The following PCDH15 variants were observed in gnomAD, a reference collection of about 807,000 sequenced individuals.
PCDH15 encodes protocadherin-15.
Under a neutral mutation model 178.5 loss-of-function variants are expected in PCDH15, and 129 were observed. The ratio of observed to expected loss-of-function variants is 0.72; its 90% confidence interval spans 0.63 to 0.84. PCDH15 has a LOEUF of 0.84. Ranked by LOEUF, PCDH15 falls within the 40% of genes least tolerant of loss-of-function variation. PCDH15 has a pLI of 0.00. For synonymous variants in PCDH15, 800 were observed against 732.0 expected (o/e 1.09, Z -1.50); for missense variants, 2,230 against 2,099.9 (o/e 1.06, Z -1.21).
chr10:55,246,196 C>A (rs920006337), intron 1 of PCDH15, among the ~76,000 whole-genome samples: 3 of 152,166 alleles, frequency 2.0e-5, no homozygotes, highest in African/African-American at 7.2e-5. Context: ...TCACCATAAT[C>A]GGCTATGAAT....
At chr10:54,634,154 T>G (rs1450658954) in intron 2 of PCDH15, among the ~76,000 whole-genome samples, 1 of 148,720 alleles carries the variant, frequency 6.7e-6, no homozygotes, top group East Asian at 1.9e-4. Context: ...TTCAAGAAGA[T>G]GAAACTTTTT....
chr10:55,150,516 A>G (rs1838680225), intron 2 of PCDH15, among the ~76,000 whole-genome samples: 2 of 152,152 alleles, frequency 1.3e-5, no homozygotes. Flanking sequence ...ACAAAAATAT[A>G]TTCCACAGGT....
intron 1 of PCDH15, among the ~76,000 whole-genome samples, chr10:54,686,235 A>C (rs1221086323): frequency 6.6e-6 from 1 of 151,866 alleles, no homozygotes; most frequent in Non-Finnish European, 1.5e-5. Flanking sequence ...TAAAATCATC[A>C]GCTAATAACC....
Position 55,128,135 on chromosome 10 carries a change from C to G in PCDH15, c.-80+38441G>C, listed in dbSNP as rs76809348. Among the ~76,000 whole-genome samples the G allele has an allele frequency of 5.3e-3, 799 of 152,104 alleles. 7 individuals carry two copies. Among genetic ancestry groups the G allele is most frequent in the African/African-American group, 0.019 (772 of 41,528 alleles). On this transcript the variant is annotated intron_variant, in intron 2 of 5. Coordinates refer to the PCDH15 transcript ENST00000458638. ...TATGATCTAACGCTGTCATACCTTGCCCTTGAAAGATGCACTAAGATTTTC... is the reference window on the plus strand; with the variant it reads ...TATGATCTAACGCTGTCATACCTTGGCCTTGAAAGATGCACTAAGATTTTC...
intron 13 of PCDH15, among the ~76,000 whole-genome samples, chr10:54,177,449 A>T (rs2047544878): frequency 6.6e-6 from 1 of 152,074 alleles, no homozygotes. Flanking sequence ...GTGCGAATGT[A>T]AGTTCATTAA....
At chr10:54,141,822 A>T (rs1406536159) in intron 14 of PCDH15, among the ~76,000 whole-genome samples, 3 of 152,208 alleles carry the variant, frequency 2.0e-5, no homozygotes, top group Non-Finnish European at 4.4e-5. Context: ...AAAGTTACTT[A>T]ATCAGTTGTA....
chr10:53,808,280 C>CTT (rs1375843076), intron 37 of PCDH15: 2 of 380,610 alleles, frequency 5.3e-6, no homozygotes, highest in Non-Finnish European at 7.2e-6. Flanking sequence ...TGAAGCTTGT[C>CTT]TTAGTATTTA....
intron 1 of PCDH15, among the ~76,000 whole-genome samples, chr10:54,734,481 T>C (rs1419957415): frequency 3.3e-5 from 5 of 151,828 alleles, no homozygotes; most frequent in African/African-American, 7.2e-5. Context: ...ACAACAACTT[T>C]GGAAAATAGT....
intron 7 of PCDH15, among the ~76,000 whole-genome samples, chr10:54,324,191 G>T (rs2061791009): frequency 6.6e-6 from 1 of 152,000 alleles, no homozygotes; most frequent in African/African-American, 2.4e-5. Flanking sequence ...TTTCTGAAAA[G>T]TTGTTTACAA....
At chr10:54,570,648 T>C (rs541736469) in intron 2 of PCDH15, among the ~76,000 whole-genome samples, 1 of 151,968 alleles carries the variant, frequency 6.6e-6, no homozygotes, top group African/African-American at 2.4e-5. Context: ...TTCACTTGTG[T>C]CCATTTTTTT....
At chr10:54,488,043 A>T (rs547030569) in intron 3 of PCDH15, among the ~76,000 whole-genome samples, 2 of 152,002 alleles carry the variant, frequency 1.3e-5, no homozygotes, top group East Asian at 3.9e-4. Flanking sequence ...TGATTTTAGA[A>T]GAGAACAGCA....
rs528140615 is a variant in PCDH15, at chr10:55,358,138, C to T, written c.-155-191487G>A. Among the ~76,000 whole-genome samples the T allele has an allele frequency of 1.1e-4, 16 of 152,148 alleles. 1 individual carries two copies. Among genetic ancestry groups the T allele is most frequent in the East Asian group, 5.8e-4 (3 of 5,158 alleles). On this transcript the variant is annotated intron_variant, in intron 2 of 5. Coordinates refer to the PCDH15 transcript ENST00000613346. ...CATTGGCCCTGTAAATTATAAGTTA[C>T]GCATACAAGGAATATATCTGTAAAC...
At chr10:55,454,501 G>C (rs1377718154) in intron 2 of PCDH15, among the ~76,000 whole-genome samples, 1 of 151,880 alleles carries the variant, frequency 6.6e-6, no homozygotes, top group African/African-American at 2.4e-5. Flanking sequence ...AGATAGGCCG[G>C]GTGCTGTGGC....
chr10:54,974,040 T>TTCTCTC (rs72538027), intron 2 of PCDH15, among the ~76,000 whole-genome samples: 1 of 144,276 alleles, frequency 6.9e-6, no homozygotes, highest in South Asian at 2.2e-4. Context: ...CTCTCCTTCC[T>TTCTCTC]TCTCTCTCTC....
At chr10:55,060,430 A>G (rs948838864) in intron 2 of PCDH15, among the ~76,000 whole-genome samples, 32 of 152,090 alleles carry the variant, frequency 2.1e-4, no homozygotes, top group Admixed American at 5.9e-4. Context: ...CTTAGTTTCC[A>G]CATCTCTAAA....
chr10:54,720,530 C>A (rs1219161443), intron 1 of PCDH15, among the ~76,000 whole-genome samples: 10 of 134,412 alleles, frequency 7.4e-5, no homozygotes, highest in African/African-American at 1.2e-4. Context: ...AAAAAAAATA[C>A]CAGCTAACAA....
In PCDH15 at chr10:54,171,271, C is replaced by A. The variant is rs182114434; in HGVS notation, c.1590+12173G>T. Among the ~76,000 whole-genome samples the A allele has an allele frequency of 5.7e-3, 873 of 152,220 alleles. 7 individuals are homozygous for A. The highest frequency in any genetic ancestry group is 0.019 in the African/African-American group (808 of 41,498). On this transcript the variant is annotated intron_variant, in intron 13 of 37. Coordinates refer to ENST00000644397, the MANE Select transcript of PCDH15 (RefSeq NM_001384140.1). Reference sequence around the variant, plus strand: ...CCGTCTTCAAGAAAAGTAGAATGGACTAAAGGTCTTTTAAAAATACACCTC... The same window carrying A: ...CCGTCTTCAAGAAAAGTAGAATGGAATAAAGGTCTTTTAAAAATACACCTC...
intron 2 of PCDH15, among the ~76,000 whole-genome samples, chr10:55,048,499 A>G (rs1265928936): frequency 6.6e-6 from 1 of 151,978 alleles, no homozygotes; most frequent in Non-Finnish European, 1.5e-5. Context: ...CTCTCATAGC[A>G]TTAATTGTTT....
At chr10:55,622,284 C>T (rs766094668) in intron 2 of PCDH15, among the ~76,000 whole-genome samples, 57 of 150,268 alleles carry the variant, frequency 3.8e-4, no homozygotes, top group Non-Finnish European at 5.8e-4. Flanking sequence ...GCTGGGATTA[C>T]GGGCATAAGC....
Sources: gnomAD v4.1 joint callset for allele counts (sites outside exome capture counted in the v4.1 genomes callset) on GRCh38, gnomAD v4.1.1 for gene constraint, MANE v1.5 for transcripts, NCBI Gene and HGNC (gene_info 2026-07-23, HGNC 2026-07-21) for gene names.